Variants in PLEKHG1 observed in about 807,000 individuals in gnomAD.
The protein encoded by PLEKHG1 is pleckstrin homology and RhoGEF domain containing G1.
A neutral mutation model predicts 100.8 loss-of-function variants in PLEKHG1; 44 were observed. The ratio of observed to expected loss-of-function variants is 0.44; its 90% CI spans 0.34 to 0.56. The LOEUF (loss-of-function observed/expected upper bound fraction) is 0.56, where lower values mean the gene tolerates loss of function less well. PLEKHG1 is among the 20% of genes least tolerant of loss of function. The pLI is 0.01. For synonymous variants in PLEKHG1, 640 were observed against 662.5 expected, an observed-to-expected ratio of 0.97 and a Z score of 0.52; for missense variants, 1,545 against 1,720.9, an observed-to-expected ratio of 0.90 and a Z score of 1.81.
chr6:150,642,301 C>T lies in PLEKHG1; in HGVS notation c.-158+4176C>T, dbSNP rs557086625. ...AGTTATTGACCTAGATTGAAAGAAG[C>T]TCTTGAACTCTATAAAAGGTGGTGC... is the stretch of plus-strand genomic sequence containing the variant. On this transcript the variant is annotated intron_variant, in intron 2 of 3. Coordinates refer to the PLEKHG1 transcript ENST00000367326. Among the ~76,000 whole-genome samples the T allele has an allele frequency of 5.3e-5, 8 of 152,286 alleles. No homozygotes were observed. The East Asian group carries it at 1.3e-3, about 26-fold the overall frequency.
At chr6:150,775,682 A>G (rs942806140) in intron 3 of PLEKHG1, among the ~76,000 whole-genome samples, 3 of 152,208 alleles carry the variant, frequency 2.0e-5, no homozygotes, top group African/African-American at 7.2e-5. Context: ...GACAAAAGAA[A>G]TTCTTTGGGC....
intron 10 of PLEKHG1, among the ~76,000 whole-genome samples, chr6:150,816,272 T>C (rs895768829): frequency 2.0e-5 from 3 of 150,958 alleles, no homozygotes; most frequent in African/African-American, 7.3e-5. Context: ...TCTCAGGATA[T>C]TCGCCTGGAC....
At chr6:150,638,857 C>G (rs941223469) in intron 2 of PLEKHG1, among the ~76,000 whole-genome samples, 1 of 152,184 alleles carries the variant, frequency 6.6e-6, no homozygotes, top group African/African-American at 2.4e-5. Context: ...AACCTGGATG[C>G]ATTCCTGAAA....
intron 2 of PLEKHG1, among the ~76,000 whole-genome samples, chr6:150,740,269 A>G (rs548154879): frequency 3.5e-4 from 53 of 152,334 alleles, no homozygotes; most frequent in African/African-American, 1.3e-3. Context: ...CTGTCTTCCC[A>G]TTGATCCTGC....
At position 150,695,761 on chromosome 6, in the gene PLEKHG1, T is replaced by C. The variant is rs117667665; in HGVS notation, c.-98-37823T>C. ...GCCATGCACACCCAAATGGACATTA[T>C]TATTGTTTCACAGAGGTCTGACTCC... On this transcript the variant is annotated intron_variant, in intron 3 of 3. Coordinates refer to the PLEKHG1 transcript ENST00000367326. Among the ~76,000 whole-genome samples the C allele has an allele frequency of 2.8e-3, 424 of 152,280 alleles. 2 individuals carry two copies. Among genetic ancestry groups the C allele is most frequent in the Non-Finnish European group, 3.6e-3 (246 of 68,032 alleles).
At chr6:150,809,602 G>T in intron 9 of PLEKHG1, 46 bp from the exon 11 acceptor site, 1 of 1,554,142 alleles carries the variant, frequency 6.4e-7, no homozygotes, top group Non-Finnish European at 8.9e-7. Flanking sequence ...GGGTCCTGTG[G>T]GTGGTGGAAT....
At position 150,707,685 on chromosome 6, in the gene PLEKHG1, T is replaced by G. The variant is rs75600140; in HGVS notation, c.-98-25899T>G. On this transcript the variant is annotated intron_variant, in intron 3 of 3. Transcript: ENST00000367326. ...AAAAATCTGTTTTTTTAATGCAGAGTATCCTGATTGTTTAAACTTGGGTCA... is the reference window on the plus strand; with the variant it reads ...AAAAATCTGTTTTTTTAATGCAGAGGATCCTGATTGTTTAAACTTGGGTCA... Among the ~76,000 whole-genome samples, 281 of 151,946 alleles carry G rather than the reference T, an allele frequency of 1.8e-3. 10 individuals carry two copies. In the East Asian group the frequency reaches 0.042, roughly 23 times the overall value.
exon 16 of PLEKHG1, chr6:150,842,936 AC>A (rs1258722683): frequency 6.6e-6 from 1 of 151,776 alleles, no homozygotes; most frequent in East Asian, 1.9e-4. Flanking sequence ...CTGGTCTCGA[AC>A]TCCTGATCTC....
At chr6:150,698,445 C>T (rs1780632680) in intron 3 of PLEKHG1, among the ~76,000 whole-genome samples, 1 of 152,048 alleles carries the variant, frequency 6.6e-6, no homozygotes, top group African/African-American at 2.4e-5. Flanking sequence ...AAGTTGTTAG[C>T]ATATAAAGGG....
chr6:150,817,960 C>T (rs570308059), intron 10 of PLEKHG1, among the ~76,000 whole-genome samples: 2 of 152,210 alleles, frequency 1.3e-5, no homozygotes, highest in African/African-American at 4.8e-5. Flanking sequence ...ATTGGGGGTG[C>T]AGTCTTAGCT....
chr6:150,802,352 A>G (rs1786761911), intron 6 of PLEKHG1, among the ~76,000 whole-genome samples: 1 of 152,212 alleles, frequency 6.6e-6, no homozygotes, highest in South Asian at 2.1e-4. Flanking sequence ...CTCAGGACAC[A>G]TCTCTGCTGA....
intron 1 of PLEKHG1, among the ~76,000 whole-genome samples, chr6:150,616,681 C>G (rs995695463): frequency 1.3e-5 from 2 of 152,204 alleles, no homozygotes; most frequent in Non-Finnish European, 2.9e-5. Flanking sequence ...CAGAAGCATT[C>G]TCTTCTGGAG....
chr6:150,700,674 C>T (rs1028806381), intron 3 of PLEKHG1, among the ~76,000 whole-genome samples: 7 of 152,164 alleles, frequency 4.6e-5, no homozygotes, highest in African/African-American at 1.4e-4. Flanking sequence ...GAAATCTAAC[C>T]GCCTGGGTTC....
intron 14 of PLEKHG1, chr6:150,827,951 G>A (rs1210996607): frequency 6.2e-7 from 1 of 1,611,134 alleles, no homozygotes; most frequent in African/African-American, 1.3e-5. Context: ...AAGTTTTGGA[G>A]ATCTCAGGGA....
At chr6:150,667,305 A>T (rs1296796336) in intron 3 of PLEKHG1, among the ~76,000 whole-genome samples, 1 of 152,184 alleles carries the variant, frequency 6.6e-6, no homozygotes, top group Non-Finnish European at 1.5e-5. Flanking sequence ...TAATTTTTTT[A>T]AAAAGAGTTT....
intron 3 of PLEKHG1, among the ~76,000 whole-genome samples, chr6:150,700,172 C>T (rs1356533110): frequency 2.0e-5 from 3 of 152,202 alleles, no homozygotes; most frequent in African/African-American, 4.8e-5. Context: ...GGCCAGGAGA[C>T]CCTGCCAGGC....
intron 1 of PLEKHG1, among the ~76,000 whole-genome samples, chr6:150,603,066 C>A (rs13211204): frequency 5.7e-5 from 7 of 122,644 alleles, no homozygotes; most frequent in African/African-American, 2.2e-4. Flanking sequence ...TGGGCGACAG[C>A]GAGACTCCGT....
intron 2 of PLEKHG1, among the ~76,000 whole-genome samples, chr6:150,763,681 A>G (rs1285051048): frequency 1.3e-5 from 2 of 152,204 alleles, no homozygotes; most frequent in Non-Finnish European, 2.9e-5. Flanking sequence ...CTAGGAAGGA[A>G]AATCAGAGGA....
intron 1 of PLEKHG1, chr6:150,625,007 A>G (rs1366252395): frequency 6.6e-6 from 1 of 152,204 alleles, no homozygotes; most frequent in Admixed American, 6.5e-5. Flanking sequence ...CCTGGCCAAC[A>G]TGGCAAAACC....
Sources: gnomAD v4.1 joint callset for allele counts (sites outside exome capture counted in the v4.1 genomes callset) on GRCh38, gnomAD v4.1.1 for gene constraint, MANE v1.5 for transcripts, NCBI Gene and HGNC (gene_info 2026-07-23, HGNC 2026-07-21) for gene names.